RDH10: variants seen among roughly 807,000 people sequenced by gnomAD.
The protein encoded by RDH10 is retinol dehydrogenase 10 (all-trans).
In RDH10, 12 loss-of-function variants were observed where a neutral mutation model predicts 30.2. That is an observed-to-expected ratio of 0.40 (90% CI 0.25 to 0.64). The LOEUF (loss-of-function observed/expected upper bound fraction) is 0.64. Ranked by LOEUF, RDH10 falls within the 30% of genes least tolerant of loss-of-function variation. The pLI, the probability that RDH10 is intolerant of heterozygous loss-of-function variation, is 0.43. For missense variants in RDH10, 268 were observed against 445.2 expected (o/e 0.60, Z 3.58); for synonymous variants, 189 against 172.2 (o/e 1.10, Z -0.76).
chr8:73,319,141 C>T lies in RDH10; in HGVS notation c.571C>T (p.His191Tyr). 1 of 1,613,694 alleles carries T rather than the reference C, an allele frequency of 6.2e-7. No homozygotes were observed. Among genetic ancestry groups the T allele is most frequent in the Non-Finnish European group, 8.5e-7 (1 of 1,179,688 alleles). Residue 191 changes from histidine (H) to tyrosine (Y), a missense_variant, in exon 3 of 6, where the codon CAT (histidine) becomes TAT (tyrosine). Physicochemically the swap from His to Tyr is moderately conservative, Grantham distance 83. Coordinates refer to ENST00000240285, the MANE Select transcript of RDH10 (RefSeq NM_172037.5). ...LPTMLEINHG[H>Y]IVTVASSLGL... ...TACGATGCTGGAGATTAATCATGGT[C>T]ATATTGTGACAGTTGCAAGTTCCTT... is the stretch of plus-strand genomic sequence containing the variant.
At chr8:73,310,047 G>A (rs1814536234) in intron 2 of RDH10, among the ~76,000 whole-genome samples, 1 of 152,228 alleles carries the variant, frequency 6.6e-6, no homozygotes, top group Non-Finnish European at 1.5e-5. Flanking sequence ...TCCCATTGGA[G>A]ATTCTGGTAT....
intron 2 of RDH10, among the ~76,000 whole-genome samples, chr8:73,301,342 G>A (rs962976559): frequency 4.0e-5 from 6 of 151,262 alleles, no homozygotes; most frequent in Admixed American, 1.3e-4. Context: ...GAGCCACCGC[G>A]CCCGGCCAAA....
chr8:73,296,627 A>T (rs1814271355), intron 1 of RDH10, among the ~76,000 whole-genome samples: 2 of 152,208 alleles, frequency 1.3e-5, no homozygotes, highest in African/African-American at 4.8e-5. Flanking sequence ...TTGTGAGAGT[A>T]CTTCTTAGAG....
intron 2 of RDH10, among the ~76,000 whole-genome samples, chr8:73,307,084 A>G (rs7827088): frequency 0.21 from 31,329 of 152,194 alleles, 3,246 homozygotes; most frequent in Middle Eastern, 0.22. Flanking sequence ...AAATGATTTC[A>G]TATTGTATTT....
At chr8:73,314,723 C>T (rs1586193745) in intron 2 of RDH10, among the ~76,000 whole-genome samples, 3 of 152,320 alleles carry the variant, frequency 2.0e-5, no homozygotes, top group East Asian at 3.9e-4. Flanking sequence ...GTTCCCTCCG[C>T]GCAGCTCTTT....
At chr8:73,321,266 A>G (rs1814766450) in intron 4 of RDH10, among the ~76,000 whole-genome samples, 189 bp downstream of exon 4, 1 of 152,252 alleles carries the variant, frequency 6.6e-6, no homozygotes, top group African/African-American at 2.4e-5. Flanking sequence ...CTACACACTG[A>G]TACTAATTTG....
intron 3 of RDH10, among the ~76,000 whole-genome samples, chr8:73,320,682 G>A (rs565812888): frequency 2.7e-3 from 407 of 152,050 alleles, no homozygotes; most frequent in Non-Finnish European, 4.8e-3. Flanking sequence ...ATTTTGGCCA[G>A]GCTGGTCTCG....
At chr8:73,299,138 TA>T (rs1214274715) in intron 2 of RDH10, among the ~76,000 whole-genome samples, 3 of 152,242 alleles carry the variant, frequency 2.0e-5, no homozygotes, top group African/African-American at 7.2e-5. Context: ...TTAATTCATT[TA>T]CAAACCTCTA....
chr8:73,322,062 A>G (rs191937976), intron 4 of RDH10: 293 of 451,436 alleles, frequency 6.5e-4, no homozygotes, highest in Middle Eastern at 1.6e-3. Flanking sequence ...CCAGTGTAGC[A>G]TAGCAGCAGG....
At chr8:73,295,670 A>C (rs1033372778) in intron 1 of RDH10, 92 bp downstream of exon 1, 1 of 1,269,536 alleles carries the variant, frequency 7.9e-7, no homozygotes, top group Non-Finnish European at 1.0e-6. Flanking sequence ...CTGCCTGGTC[A>C]GCCCCGCTGT....
intron 2 of RDH10, chr8:73,310,848 T>C (rs1226647300): frequency 1.3e-5 from 2 of 152,210 alleles, no homozygotes; most frequent in Non-Finnish European, 2.9e-5. Context: ...ATTCATTGTT[T>C]AACACATTGA....
chr8:73,317,049 T>TA (rs1814682892), intron 2 of RDH10, among the ~76,000 whole-genome samples: 1 of 152,184 alleles, frequency 6.6e-6, no homozygotes, highest in Non-Finnish European at 1.5e-5. Context: ...TGTCTCAGTG[T>TA]AGCAAGGTAA....
At chr8:73,299,259 G>A (rs1258717103) in intron 2 of RDH10, among the ~76,000 whole-genome samples, 2 of 152,216 alleles carry the variant, frequency 1.3e-5, no homozygotes, top group African/African-American at 4.8e-5. Flanking sequence ...GTTGTGTTCA[G>A]TGGGGGTGGG....
At position 73,302,522 on chromosome 8, in the gene RDH10, C is replaced by T. The variant is rs554863366; in HGVS notation, c.525+5093C>T. Among the ~76,000 whole-genome samples, 13 of 152,110 alleles carry T rather than the reference C, an allele frequency of 8.5e-5. No individual in the cohort carries two copies. In the South Asian group the frequency reaches 2.5e-3, roughly 29 times the overall value. ...GCAACATGGCGAAACCCTGTCTCTA[C>T]CAAAATACAAAAATTAGCTGGGCGT... On this transcript the variant is annotated intron_variant, in intron 2 of 5. Coordinates refer to ENST00000240285, the MANE Select transcript of RDH10 (RefSeq NM_172037.5).
Position 73,319,149 on chromosome 8 carries a change from G to T in RDH10, c.579G>T (p.Val193=). 1 of 1,613,854 alleles carries T rather than the reference G, an allele frequency of 6.2e-7. No homozygotes were observed. The highest frequency in any genetic ancestry group is 8.5e-7 in the Non-Finnish European group (1 of 1,179,808). Residue 193 remains valine (V), a synonymous_variant, in exon 3 of 6, where the codon GTG becomes GTT. Transcript: ENST00000240285. The part of the protein sequence containing the change: ...TMLEINHGHI[V]TVASSLGLFS... ...TGGAGATTAATCATGGTCATATTGTGACAGTTGCAAGTTCCTTGGGATTGT... is the reference window on the plus strand; with the variant it reads ...TGGAGATTAATCATGGTCATATTGTTACAGTTGCAAGTTCCTTGGGATTGT...
rs547111336 is a variant in RDH10, at chr8:73,295,712, G to A, written c.289+134G>A. The A allele has an allele frequency of 7.1e-5, 71 of 997,212 alleles. 1 individual carries two copies. The East Asian group carries it at 2.1e-3, about 29-fold the overall frequency. The allele number at this position is 997,212 out of a possible 1,614,324, so 61.8% of individuals were successfully genotyped here. A position where few individuals can be genotyped will look rare whatever the true frequency, so the allele number is the denominator to read the frequency against. On this transcript the variant is annotated intron_variant, in intron 1 of 5. Transcript: ENST00000240285. ...AAGGAACACCCCACCGGTCTTTTGG[G>A]AGACGAGTGGAATTCGCTTCCTGAT...
intron 1 of RDH10, among the ~76,000 whole-genome samples, chr8:73,296,726 A>G (rs1376892930): frequency 6.6e-6 from 1 of 152,198 alleles, no homozygotes; most frequent in East Asian, 1.9e-4. Context: ...AGTTCAGATT[A>G]TTAATTGCAG....
Position 73,319,080 on chromosome 8 carries a change from T to C in RDH10, c.526-16T>C. The C allele has an allele frequency of 6.4e-7, 1 of 1,558,338 alleles. No homozygotes were observed. The highest frequency in any genetic ancestry group is 8.8e-7 in the Non-Finnish European group (1 of 1,133,638). ...CATGAAATCAGTTCTAAAACTTGAA[T>C]CTTACTTTGTTTCAGACCACTAAGG... On this transcript the variant is annotated splice_polypyrimidine_tract_variant and intron_variant, in intron 2 of 5. Coordinates refer to ENST00000240285, the MANE Select transcript of RDH10 (RefSeq NM_172037.5).
At chr8:73,301,378 A>G (rs1814372057) in intron 2 of RDH10, among the ~76,000 whole-genome samples, 1 of 151,918 alleles carries the variant, frequency 6.6e-6, no homozygotes. Context: ...CACTCAATAA[A>G]TATTTGATAA....
Sources: allele counts gnomAD v4.1 joint callset (sites outside exome capture counted in the v4.1 genomes callset), GRCh38; gene constraint gnomAD v4.1.1; transcripts MANE v1.5; gene names NCBI Gene and HGNC (gene_info 2026-07-23, HGNC 2026-07-21).